MYCBP2: variants seen among roughly 807,000 people sequenced by gnomAD.
MYCBP2 encodes MYC binding protein 2, also known as E3 ubiquitin-protein ligase MYCBP2.
A neutral mutation model predicts 525.3 loss-of-function variants in MYCBP2; 120 were observed. That is an observed-to-expected ratio of 0.23 (90% confidence interval 0.20 to 0.27). The LOEUF is 0.27. Among genes scored for constraint, MYCBP2 ranks in the 10% least tolerant of loss-of-function variants. The pLI, the probability that MYCBP2 is intolerant of heterozygous loss-of-function variation, is 1.00. For missense variants in MYCBP2, 4,149 were observed against 5,657.1 expected, an observed-to-expected ratio of 0.73 and a Z score of 8.55; for synonymous variants, 1,894 against 1,955.8, an observed-to-expected ratio of 0.97 and a Z score of 0.83.
At chr13:77,220,437 A>C (rs2065385839) in intron 20 of MYCBP2, among the ~76,000 whole-genome samples, 1 of 152,134 alleles carries the variant, frequency 6.6e-6, no homozygotes, top group African/African-American at 2.4e-5. Context: ...TCAGGACCCA[A>C]CCTAGAGACT....
Position 77,121,368 on chromosome 13 carries a change from C to CTTTTAAAGA in MYCBP2, c.8140+4_8140+5insTCTTTAAAA. ...TAAGTAAAAGACTTACTTTTAAATACCTACCTTTGCTATTTCCGAGTCCAT... is the reference window on the plus strand; with the variant it reads ...TAAGTAAAAGACTTACTTTTAAATACTTTTAAAGACTACCTTTGCTATTTCCGAGTCCAT... On this transcript the variant is annotated splice_donor_region_variant and intron_variant, in intron 55 of 82. Coordinates refer to ENST00000544440, the MANE Select transcript of MYCBP2 (RefSeq NM_015057.5). The CTTTTAAAGA allele has an allele frequency of 3.9e-6, 6 of 1,535,026 alleles. No individual in the cohort carries two copies. Among genetic ancestry groups the CTTTTAAAGA allele is most frequent in the Non-Finnish European group, 5.3e-6 (6 of 1,132,970 alleles).
At chr13:77,046,605 T>C (rs920260726) in intron 82 of MYCBP2, among the ~76,000 whole-genome samples, 13 of 152,240 alleles carry the variant, frequency 8.5e-5, no homozygotes, top group African/African-American at 3.1e-4. Context: ...CTACTATTAC[T>C]GAACAACCAC....
At position 77,323,663 on chromosome 13, in the gene MYCBP2, T is replaced by C. The variant is rs961341371; in HGVS notation, c.302+2811A>G. ...GGATTTTCCAAGACGGCAGAGACTT[T>C]GTCTATCTTGCTCACCGCTACATCT... On this transcript the variant is annotated intron_variant, in intron 1 of 82. Coordinates refer to ENST00000544440, the MANE Select transcript of MYCBP2 (RefSeq NM_015057.5). 2.0e-5 allele frequency among the ~76,000 whole-genome samples: 3 copies of C among 152,268 alleles called. 1 individual carries two copies. The highest frequency in any genetic ancestry group is 1.3e-4 in the Admixed American group (2 of 15,292).
intron 15 of MYCBP2, among the ~76,000 whole-genome samples, chr13:77,247,673 A>G (rs1419189269): frequency 6.6e-6 from 1 of 152,220 alleles, no homozygotes; most frequent in East Asian, 1.9e-4. Context: ...CTTACTACAA[A>G]TCTACAGTAA....
At chr13:77,227,573 C>A (rs1021482703) in intron 18 of MYCBP2, among the ~76,000 whole-genome samples, 1 of 151,594 alleles carries the variant, frequency 6.6e-6, no homozygotes, top group Non-Finnish European at 1.5e-5. Flanking sequence ...AGAAATTTTA[C>A]GGCTTTATCT....
intron 19 of MYCBP2, 27 bp downstream of exon 19, chr13:77,225,408 G>A (rs957352735): frequency 1.9e-6 from 3 of 1,613,110 alleles, no homozygotes; most frequent in Non-Finnish European, 1.7e-6. Flanking sequence ...TAAAAACGCA[G>A]TTATACCCTA....
At chr13:77,204,975 T>C (rs1486064038) in intron 26 of MYCBP2, among the ~76,000 whole-genome samples, 2 of 151,174 alleles carry the variant, frequency 1.3e-5, no homozygotes, top group East Asian at 1.9e-4. Context: ...GTGCAGCGCA[T>C]CAGCATGGCA....
At chr13:77,096,995 C>A (rs2046353464) in intron 56 of MYCBP2, among the ~76,000 whole-genome samples, 1 of 152,114 alleles carries the variant, frequency 6.6e-6, no homozygotes, top group Non-Finnish European at 1.5e-5. Context: ...CTATAGAAAT[C>A]AATCTAATCT....
chr13:77,163,580 T>C (rs1007696166), intron 43 of MYCBP2, among the ~76,000 whole-genome samples: 1 of 152,178 alleles, frequency 6.6e-6, no homozygotes, highest in East Asian at 1.9e-4. Context: ...CCCTTGATTA[T>C]AGATTAATCT....
chr13:77,211,773 A>T (rs2064044031), intron 22 of MYCBP2, among the ~76,000 whole-genome samples, 183 bp downstream of exon 22: 1 of 152,214 alleles, frequency 6.6e-6, no homozygotes, highest in Non-Finnish European at 1.5e-5. Flanking sequence ...TCTCCCAATT[A>T]TTCCATTCTT....
At chr13:77,060,163 G>T (rs1157205668) in intron 76 of MYCBP2, among the ~76,000 whole-genome samples, 2 of 151,990 alleles carry the variant, frequency 1.3e-5, no homozygotes, top group Non-Finnish European at 2.9e-5. Context: ...AATAAAACAA[G>T]AACAGAGCAA....
At chr13:77,101,577 T>TA (rs761054826) in intron 55 of MYCBP2, among the ~76,000 whole-genome samples, 6 of 152,184 alleles carry the variant, frequency 3.9e-5, no homozygotes, top group South Asian at 4.1e-4. Flanking sequence ...GGCATTTGTA[T>TA]ATCTTATTAT....
intron 20 of MYCBP2, among the ~76,000 whole-genome samples, chr13:77,219,791 T>C (rs1447456038): frequency 6.6e-6 from 1 of 152,158 alleles, no homozygotes; most frequent in East Asian, 1.9e-4. Flanking sequence ...TGGTGGTAGA[T>C]GGAATAGATA....
chr13:77,168,296 T>C (rs1566785155), intron 40 of MYCBP2, 132 bp downstream of exon 40: 2 of 672,912 alleles, frequency 3.0e-6, no homozygotes, highest in Non-Finnish European at 5.0e-6. Context: ...CCTAATCACC[T>C]GCTGATTCTC....
In MYCBP2 at chr13:77,260,553, T is replaced by G. The variant is rs2073084784; in HGVS notation, c.1892A>C (p.Lys631Thr). 6.2e-7 allele frequency: 1 copy of G among 1,609,778 alleles called. No individual in the cohort carries two copies. The highest frequency in any genetic ancestry group is 2.2e-5 in the East Asian group (1 of 44,700). Reference sequence around the variant, plus strand: ...AATCTTTCCTTCCATCTTAATTATCTTTTTAGGTTTATAAGGTTTGGATTG... The same window carrying G: ...AATCTTTCCTTCCATCTTAATTATCGTTTTAGGTTTATAAGGTTTGGATTG... ...RRQSKPYKPK[K>T]IIKMEGKIVV... The change falls in exon 13 of 83, where the codon AAG becomes ACG. Residue 631 changes from lysine to threonine, a missense_variant. Around this residue, in one of 21 missense-constraint regions of MYCBP2, gnomAD observed 262 missense variants for 419.3 expected, o/e 0.62. Coordinates refer to ENST00000544440, the MANE Select transcript of MYCBP2 (RefSeq NM_015057.5).
At chr13:77,129,544 A>G (rs2052362953) in intron 52 of MYCBP2, 1 of 188,838 alleles carries the variant, frequency 5.3e-6, no homozygotes, top group African/African-American at 2.3e-5. Flanking sequence ...TCTTTAAATG[A>G]GGATGTATTT....
chr13:77,139,156 C>T (rs547741500), intron 52 of MYCBP2, 40 bp downstream of exon 52: 26 of 1,590,408 alleles, frequency 1.6e-5, no homozygotes, highest in South Asian at 4.6e-5. Flanking sequence ...AAACAAACAG[C>T]GTGTATCTAT....
intron 52 of MYCBP2, among the ~76,000 whole-genome samples, chr13:77,127,322 CCT>C (rs2051853439): frequency 6.6e-6 from 1 of 151,800 alleles, no homozygotes; most frequent in Admixed American, 6.6e-5. Flanking sequence ...AATGAAAGAA[CCT>C]TCCCTAAATT....
rs2154386821 is a variant in MYCBP2 at position 77,326,949 on chromosome 13, T to G, written c.-174A>C. 1 of 521,618 alleles carries G rather than the reference T, an allele frequency of 1.9e-6. No homozygotes were observed. The highest frequency in any genetic ancestry group is 3.0e-6 in the Non-Finnish European group (1 of 331,848). The allele number at this position is 521,618 out of a possible 1,614,324, so 32.3% of individuals were successfully genotyped here. On this transcript the variant is annotated 5_prime_UTR_variant, in exon 1 of 83. Transcript: ENST00000544440. The surrounding 1 kb of genome is among the most constrained non-coding windows in gnomAD (Gnocchi z 4.2). ...CTTCTCCTCCTCCTTCTTCTCCTCC[T>G]CCCCCCCGCGCCGCCCTCGCCGCTA...
Sources: gnomAD v4.1 joint callset for allele counts (sites outside exome capture counted in the v4.1 genomes callset) on GRCh38, gnomAD v4.1.1 for gene constraint, gnomAD v4.1.1 regional missense constraint, Gnocchi (gnomAD v3.1) non-coding constraint, MANE v1.5 for transcripts, NCBI Gene and HGNC (gene_info 2026-07-23, HGNC 2026-07-21) for gene names.